The following CNTNAP2 variants were observed in gnomAD, a reference collection of about 807,000 sequenced individuals.
CNTNAP2 encodes the protein contactin associated protein 2.
In CNTNAP2, 98 loss-of-function variants were observed where a neutral mutation model predicts 155.2. The ratio of observed to expected loss-of-function variants is 0.63; its 90% CI spans 0.54 to 0.75. CNTNAP2 has a LOEUF of 0.75. Among genes scored for constraint, CNTNAP2 ranks in the 30% least tolerant of loss-of-function variants. The probability of loss-of-function intolerance (pLI) is 0.00; values close to 1 mark genes in which losing one functional copy is unlikely to be tolerated. For synonymous variants in CNTNAP2, 651 were observed against 631.2 expected, an observed-to-expected ratio of 1.03 and a Z score of -0.47; for missense variants, 1,727 against 1,688.1, an observed-to-expected ratio of 1.02 and a Z score of -0.40.
intron 13 of CNTNAP2, among the ~76,000 whole-genome samples, chr7:147,685,658 A>C (rs1048766439): frequency 6.6e-6 from 1 of 152,008 alleles, no homozygotes; most frequent in Non-Finnish European, 1.5e-5. Flanking sequence ...AGGGGGAATA[A>C]AAAAACAGAA....
chr7:146,496,250 C>T (rs1797213375), intron 1 of CNTNAP2, among the ~76,000 whole-genome samples: 1 of 152,072 alleles, frequency 6.6e-6, no homozygotes, highest in Non-Finnish European at 1.5e-5. Context: ...TTCTCAAAAG[C>T]CCACAATACG....
chr7:146,591,326 G>C (rs1798779165), intron 1 of CNTNAP2, among the ~76,000 whole-genome samples: 1 of 152,150 alleles, frequency 6.6e-6, no homozygotes, highest in Non-Finnish European at 1.5e-5. Context: ...ATACAATGAG[G>C]CCTTAACCAC....
intron 23 of CNTNAP2, among the ~76,000 whole-genome samples, chr7:148,414,287 C>G (rs1446922329): frequency 6.6e-6 from 1 of 152,044 alleles, no homozygotes; most frequent in African/African-American, 2.4e-5. Context: ...ACCATGTTGC[C>G]CAGGCTGGTC....
At chr7:146,592,112 A>G (rs974466921) in intron 1 of CNTNAP2, among the ~76,000 whole-genome samples, 7 of 152,178 alleles carry the variant, frequency 4.6e-5, no homozygotes, top group Non-Finnish European at 1.0e-4. Context: ...TCCGGCTGTC[A>G]TGAAACCTGG....
chr7:147,645,371 G>T (rs1288645653), intron 13 of CNTNAP2, among the ~76,000 whole-genome samples: 1 of 152,116 alleles, frequency 6.6e-6, no homozygotes, highest in Non-Finnish European at 1.5e-5. Context: ...TCCAATAAAA[G>T]ATTTTTCAGT....
chr7:148,380,590 T>C (rs1488871136), intron 21 of CNTNAP2, among the ~76,000 whole-genome samples: 1 of 152,148 alleles, frequency 6.6e-6, no homozygotes, highest in Non-Finnish European at 1.5e-5. Context: ...CAATATAGTC[T>C]ATTTTTCAAA....
At chr7:148,131,189 C>T (rs1585142434) in intron 16 of CNTNAP2, among the ~76,000 whole-genome samples, 1 of 150,538 alleles carries the variant, frequency 6.6e-6, no homozygotes, top group African/African-American at 2.5e-5. Flanking sequence ...ACCTCCGCCT[C>T]CCGGGTTCAA....
At chr7:147,223,991 A>T (rs563380582) in intron 8 of CNTNAP2, among the ~76,000 whole-genome samples, 30 of 151,964 alleles carry the variant, frequency 2.0e-4, no homozygotes, top group Non-Finnish European at 4.0e-4. Context: ...AAAGAAAAAT[A>T]ACTACAAGCA....
At chr7:147,842,366 T>G (rs1182251329) in intron 13 of CNTNAP2, among the ~76,000 whole-genome samples, 1 of 152,238 alleles carries the variant, frequency 6.6e-6, no homozygotes, top group Admixed American at 6.5e-5. Context: ...CAGCCAGTTC[T>G]GTGAATCACA....
chr7:147,538,554 G>T (rs1363104878), intron 11 of CNTNAP2, among the ~76,000 whole-genome samples: 2 of 152,026 alleles, frequency 1.3e-5, no homozygotes, highest in Non-Finnish European at 2.9e-5. Context: ...GGAGGCTGAG[G>T]CAGGAGGATC....
At chr7:146,930,280 T>C (rs1796718080) in intron 3 of CNTNAP2, among the ~76,000 whole-genome samples, 1 of 152,156 alleles carries the variant, frequency 6.6e-6, no homozygotes, top group African/African-American at 2.4e-5. Context: ...TGGGGGCCAA[T>C]ATGCAACATT....
At chr7:146,959,334 A>G (rs1281799866) in intron 3 of CNTNAP2, among the ~76,000 whole-genome samples, 1 of 152,164 alleles carries the variant, frequency 6.6e-6, no homozygotes, top group Non-Finnish European at 1.5e-5. Context: ...GTAGCGAGAA[A>G]AGATGCAAAT....
chr7:146,702,549 G>A (rs1245255378), intron 1 of CNTNAP2, among the ~76,000 whole-genome samples: 1 of 152,108 alleles, frequency 6.6e-6, no homozygotes, highest in Non-Finnish European at 1.5e-5. Context: ...GCCACATGTG[G>A]CCAGTGAGGA....
At chr7:147,523,064 T>C (rs1186515945) in intron 11 of CNTNAP2, among the ~76,000 whole-genome samples, 1 of 152,186 alleles carries the variant, frequency 6.6e-6, no homozygotes, top group Non-Finnish European at 1.5e-5. Flanking sequence ...CTTAGCTGAG[T>C]GCCTGTGGCC....
At chr7:146,208,630 A>G (rs537868372) in intron 1 of CNTNAP2, 1 of 152,256 alleles carries the variant, frequency 6.6e-6, no homozygotes, top group South Asian at 2.1e-4. Context: ...CACATCATAA[A>G]TGAAATTAGC....
chr7:147,874,754 A>G (rs1799393726), intron 13 of CNTNAP2, among the ~76,000 whole-genome samples: 1 of 152,156 alleles, frequency 6.6e-6, no homozygotes. Context: ...TTTTTATTGC[A>G]TCATCAGGCT....
intron 15 of CNTNAP2, among the ~76,000 whole-genome samples, chr7:148,045,764 A>G (rs1802763701): frequency 1.3e-5 from 2 of 152,198 alleles, no homozygotes; most frequent in Non-Finnish European, 2.9e-5. Flanking sequence ...CAATTACACA[A>G]TCACCCACAT....
chr7:147,520,329 C>T (rs1201923232), intron 11 of CNTNAP2, among the ~76,000 whole-genome samples: 1 of 152,198 alleles, frequency 6.6e-6, no homozygotes, highest in Non-Finnish European at 1.5e-5. Flanking sequence ...CTTATAGCTT[C>T]CTGTGCAATA....
intron 13 of CNTNAP2, among the ~76,000 whole-genome samples, chr7:147,786,315 A>G (rs1797738537): frequency 6.6e-6 from 1 of 152,178 alleles, no homozygotes; most frequent in Non-Finnish European, 1.5e-5. Context: ...AGTGGCATGC[A>G]TACTCTAGGA....
Sources: gnomAD v4.1 joint callset for allele counts (sites outside exome capture counted in the v4.1 genomes callset) on GRCh38, gnomAD v4.1.1 for gene constraint, MANE v1.5 for transcripts, NCBI Gene and HGNC (gene_info 2026-07-23, HGNC 2026-07-21) for gene names.